CERS3: variants seen among roughly 807,000 people sequenced by gnomAD.
The protein encoded by CERS3 is ceramide synthase 3.
CERS3 carries 33 observed loss-of-function variants against 50.3 expected under a neutral mutation model. The observed-to-expected ratio is 0.66, with a 90% CI of 0.50 to 0.88. The LOEUF (loss-of-function observed/expected upper bound fraction) is 0.88. Among genes scored for constraint, CERS3 ranks in the 40% least tolerant of loss-of-function variants. The pLI is 0.00. For missense variants in CERS3, 470 were observed against 460.3 expected, an observed-to-expected ratio of 1.02 and a Z score of -0.19; for synonymous variants, 176 against 155.2, an observed-to-expected ratio of 1.13 and a Z score of -0.99.
chr15:100,489,772 G>C (rs747893374), intron 4 of CERS3, among the ~76,000 whole-genome samples: 6 of 152,146 alleles, frequency 3.9e-5, no homozygotes, highest in Non-Finnish European at 8.8e-5. Context: ...TATAAAGATG[G>C]CTTGTCAGAC....
chr15:100,445,779 T>C (rs1157575614), intron 11 of CERS3, among the ~76,000 whole-genome samples: 1 of 152,162 alleles, frequency 6.6e-6, no homozygotes, highest in East Asian at 1.9e-4. Context: ...TTATTTTTCT[T>C]ATTAATATAA....
chr15:100,509,702 T>C (rs2036284981), intron 2 of CERS3, among the ~76,000 whole-genome samples: 2 of 152,196 alleles, frequency 1.3e-5, no homozygotes, highest in Non-Finnish European at 1.5e-5. Context: ...CGGCATTCTC[T>C]GGTGAAGGGA....
chr15:100,402,308 G>A lies in CERS3; in HGVS notation c.*405C>T, dbSNP rs148684045. ...TCTAACTCATTTTGAGAAAGAAGCT[G>A]CTCTTTGTGGCCAAACACACCTGGG... On this transcript the variant is annotated 3_prime_UTR_variant, in exon 12 of 12. Transcript: ENST00000679737. The A allele has an allele frequency of 1.9e-5, 3 of 160,482 alleles. No homozygotes were observed. Among genetic ancestry groups the A allele is most frequent in the African/African-American group, 7.2e-5 (3 of 41,600 alleles). The allele number at this position is 160,482 out of a possible 1,614,324, so 9.9% of individuals were successfully genotyped here.
At chr15:100,421,387 G>A (rs1303579861) in intron 11 of CERS3, among the ~76,000 whole-genome samples, 1 of 151,932 alleles carries the variant, frequency 6.6e-6, no homozygotes, top group East Asian at 1.9e-4. Flanking sequence ...GGATGTGAAG[G>A]ACCTCTTCAA....
chr15:100,515,714 ATAGT>A (rs1341458713), intron 2 of CERS3, among the ~76,000 whole-genome samples: 1 of 152,210 alleles, frequency 6.6e-6, no homozygotes, highest in East Asian at 1.9e-4. Context: ...TATGAGATTG[ATAGT>A]TCTGTTTTCA....
At chr15:100,502,758 T>C (rs1207904836) in intron 2 of CERS3, among the ~76,000 whole-genome samples, 2 of 152,174 alleles carry the variant, frequency 1.3e-5, no homozygotes, top group African/African-American at 4.8e-5. Context: ...AATAGTCTCG[T>C]AAGCAAGGCA....
chr15:100,484,559 T>A lies in CERS3; in HGVS notation c.398A>T (p.Gln133Leu). ...GGCCCATCCTCCTTACCAAGCTTCCTGGAATTTCTTCAGCCTGGAAGGCCT... is the reference window on the plus strand; with the variant it reads ...GGCCCATCCTCCTTACCAAGCTTCCAGGAATTTCTTCAGCCTGGAAGGCCT... ...QERPSRLKKF[Q>L]EACWRFAFYL... Residue 133 changes from glutamine (Q) to leucine (L), a missense_variant, in exon 5 of 12, where the codon CAG becomes CTG. Gln to Leu is a moderately radical substitution (Grantham distance 113). Coordinates refer to ENST00000679737, the MANE Select transcript of CERS3 (RefSeq NM_001378789.1). 6.2e-7 allele frequency: 1 copy of A among 1,611,632 alleles called. No individual in the cohort carries two copies. The highest frequency in any genetic ancestry group is 2.2e-5 in the East Asian group (1 of 44,868).
intron 2 of CERS3, among the ~76,000 whole-genome samples, chr15:100,504,415 G>C (rs997590262): frequency 4.0e-5 from 6 of 151,816 alleles, no homozygotes. Flanking sequence ...AGCTAATTTC[G>C]TATTTTTAGT....
At position 100,440,629 on chromosome 15, in the gene CERS3, G is replaced by T. The variant is rs186699369; in HGVS notation, c.999+15264C>A. On this transcript the variant is annotated intron_variant, in intron 11 of 11. Coordinates refer to ENST00000679737, the MANE Select transcript of CERS3 (RefSeq NM_001378789.1). ...GTGAAATTTGGTGCTGTGACTGGAG[G>T]GGGGGAACCTCCCTTGGGAGATCAA... 9.8e-5 allele frequency among the ~76,000 whole-genome samples: 15 copies of T among 152,316 alleles called. No homozygotes were observed. In the East Asian group the frequency reaches 1.7e-3, roughly 18 times the overall value.
chr15:100,520,009 C>T (rs1461684875), intron 2 of CERS3, among the ~76,000 whole-genome samples: 1 of 152,110 alleles, frequency 6.6e-6, no homozygotes, highest in Non-Finnish European at 1.5e-5. Flanking sequence ...GACATGTACA[C>T]CCACATCCAT....
In CERS3 at chr15:100,474,796, A is replaced by C. The variant is rs114682500; in HGVS notation, c.609+1290T>G. Among the ~76,000 whole-genome samples, 219 of 152,314 alleles carry C rather than the reference A, an allele frequency of 1.4e-3. 1 individual carries two copies. The highest frequency in any genetic ancestry group is 5.1e-3 in the African/African-American group (213 of 41,568). The stretch of plus-strand genomic sequence containing the variant: ...TTAGCTTCATTTTATAGATAAGGAG[A>C]TCAAGTTTAGAGAGTTTAACTAACT... On this transcript the variant is annotated intron_variant, in intron 8 of 11. Transcript: ENST00000679737.
At chr15:100,472,804 C>A in intron 9 of CERS3, 120 bp downstream of exon 9, 1 of 1,134,986 alleles carries the variant, frequency 8.8e-7, no homozygotes, top group Non-Finnish European at 1.3e-6. Context: ...GAGATATTCT[C>A]AGAATTTGGG....
At chr15:100,462,510 T>A (rs2034582219) in intron 10 of CERS3, among the ~76,000 whole-genome samples, 1 of 152,214 alleles carries the variant, frequency 6.6e-6, no homozygotes, top group Admixed American at 6.5e-5. Flanking sequence ...ACCTCAGTGA[T>A]CTCTTAAGTT....
chr15:100,467,525 T>G (rs1055227764), intron 10 of CERS3, among the ~76,000 whole-genome samples: 3 of 151,968 alleles, frequency 2.0e-5, no homozygotes, highest in African/African-American at 4.8e-5. Context: ...ATATATATTC[T>G]CTGGCCTTTT....
chr15:100,484,124 T>G (rs550158179), intron 5 of CERS3, among the ~76,000 whole-genome samples: 1 of 152,148 alleles, frequency 6.6e-6, no homozygotes, highest in African/African-American at 2.4e-5. Context: ...CACACGTCCT[T>G]GCAGACATTC....
At chr15:100,518,049 T>C (rs1219563893) in intron 2 of CERS3, among the ~76,000 whole-genome samples, 1 of 152,242 alleles carries the variant, frequency 6.6e-6, no homozygotes, top group African/African-American at 2.4e-5. Flanking sequence ...AGCTGCTCCC[T>C]CTGTCAGTGA....
At chr15:100,471,997 A>G (rs1215404355) in intron 9 of CERS3, among the ~76,000 whole-genome samples, 1 of 152,254 alleles carries the variant, frequency 6.6e-6, no homozygotes, top group Non-Finnish European at 1.5e-5. Context: ...GACAGAGATC[A>G]TACGCAGCCC....
intron 11 of CERS3, among the ~76,000 whole-genome samples, chr15:100,417,747 C>T (rs959659807): frequency 6.6e-6 from 1 of 151,900 alleles, no homozygotes; most frequent in African/African-American, 2.4e-5. Flanking sequence ...AACGGGCAGA[C>T]TGCCTCCTCA....
At chr15:100,474,838 G>A (rs1336066042) in intron 8 of CERS3, among the ~76,000 whole-genome samples, 3 of 152,204 alleles carry the variant, frequency 2.0e-5, no homozygotes, top group African/African-American at 7.2e-5. Flanking sequence ...AGATGTTAGT[G>A]CGTGGTGAAG....
Sources: allele counts gnomAD v4.1 joint callset (sites outside exome capture counted in the v4.1 genomes callset), GRCh38; gene constraint gnomAD v4.1.1; transcripts MANE v1.5; gene names NCBI Gene and HGNC (gene_info 2026-07-23, HGNC 2026-07-21).